KCNQ1: variants seen among roughly 807,000 people sequenced by gnomAD.
KCNQ1 encodes the protein potassium voltage-gated channel subfamily Q member 1, also known as potassium voltage-gated channel subfamily KQT member 1.
Under a neutral mutation model 72.4 loss-of-function variants are expected in KCNQ1, and 49 were observed. The ratio of observed to expected loss-of-function variants is 0.68; its 90% confidence interval spans 0.54 to 0.86. The LOEUF (loss-of-function observed/expected upper bound fraction) is 0.86. Among genes scored for constraint, KCNQ1 ranks in the 40% least tolerant of loss-of-function variants. The pLI is 0.00. For synonymous variants in KCNQ1, 450 were observed against 412.6 expected, an observed-to-expected ratio of 1.09 and a Z score of -1.10; for missense variants, 790 against 945.1, an observed-to-expected ratio of 0.84 and a Z score of 2.15.
At chr11:2,811,778 G>A (rs1416682628) in intron 15 of KCNQ1, among the ~76,000 whole-genome samples, 2 of 152,224 alleles carry the variant, frequency 1.3e-5, no homozygotes, top group African/African-American at 4.8e-5. Context: ...ACGGTGGCTG[G>A]GATGGGTGGA....
rs557004376 is a variant in KCNQ1, at chr11:2,550,093, C to T, written c.478-20535C>T. ...GTGTGGATGTATCTGTATGTCTTTG[C>T]GGAGCTCAGATGAGAGATGCTCAGA... On this transcript the variant is annotated intron_variant, in intron 2 of 15. Transcript: ENST00000155840. The surrounding 1 kb of genome is among the most constrained non-coding windows in gnomAD (Gnocchi z 6.0). 6.6e-6 allele frequency among the ~76,000 whole-genome samples: 1 copy of T among 152,260 alleles called. No homozygotes were observed. Among genetic ancestry groups the T allele is most frequent in the African/African-American group, 2.4e-5 (1 of 41,558 alleles).
chr11:2,693,442 C>T lies in KCNQ1; in HGVS notation c.1514+31361C>T, dbSNP rs992604225. On this transcript the variant is annotated intron_variant, in intron 11 of 15. Coordinates refer to ENST00000155840, the MANE Select transcript of KCNQ1 (RefSeq NM_000218.3). Reference sequence around the variant, plus strand: ...GCTTGTTTTGCCAGGCGCTGGCCCCCCATCGAGTCCCCATTCTCTAATGCT... The same window carrying T: ...GCTTGTTTTGCCAGGCGCTGGCCCCTCATCGAGTCCCCATTCTCTAATGCT... 1.5e-5 allele frequency: 6 copies of T among 398,640 alleles called. No individual in the cohort carries two copies. The Admixed American group carries it at 2.2e-4, about 15-fold the overall frequency. 24.7% of individuals were successfully genotyped at this position (398,640 alleles called of 1,614,324 possible). A position where few individuals can be genotyped will look rare whatever the true frequency, so the allele number is the denominator to read the frequency against.
intron 11 of KCNQ1, chr11:2,686,939 G>A (rs1850499833): frequency 2.5e-6 from 1 of 398,666 alleles, no homozygotes. Context: ...CCGTGATGCG[G>A]AGCATGCCCA....
In KCNQ1 at chr11:2,835,850, C is replaced by T. The variant is rs150156080; in HGVS notation, c.1795-11917C>T. Among the ~76,000 whole-genome samples, 759 of 152,250 alleles carry T rather than the reference C, an allele frequency of 5.0e-3. 5 individuals are homozygous for T. Among genetic ancestry groups the T allele is most frequent in the African/African-American group, 0.017 (715 of 41,538 alleles). ...CTCAGCCTGCAGTGTCCAGGAGCGA[C>T]GGGAAGCCTCGTGGGGCTGTTGGGA... On this transcript the variant is annotated intron_variant, in intron 15 of 15. Transcript: ENST00000155840.
In KCNQ1 at chr11:2,681,466, C is replaced by G. The variant is rs779360117; in HGVS notation, c.1514+19385C>G. The G allele has an allele frequency of 1.3e-5, 5 of 398,562 alleles. No homozygotes were observed. In the East Asian group the frequency reaches 1.4e-4, roughly 11 times the overall value. 24.7% of individuals were successfully genotyped at this position (398,562 alleles called of 1,614,324 possible). ...TGGGACCAGATAACCTTAATGGCCT[C>G]AGGCTCCCTAGATGAGAAATGGGAC... On this transcript the variant is annotated intron_variant, in intron 11 of 15. Coordinates refer to ENST00000155840, the MANE Select transcript of KCNQ1 (RefSeq NM_000218.3).
rs1846742789 is a variant in KCNQ1 at position 2,486,512 on chromosome 11, TCTA to T, written c.386+41031_386+41033del. 6.6e-6 allele frequency among the ~76,000 whole-genome samples: 1 copy of T among 152,248 alleles called. No individual in the cohort carries two copies. The highest frequency in any genetic ancestry group is 6.5e-5 in the Admixed American group (1 of 15,286). Reference sequence around the variant, plus strand: ...TTTAATGTTCACGAAGTCCAAGTTGTCTACTTTTTGTTTTGTTGCCTGTGCCTT... The same window carrying T: ...TTTAATGTTCACGAAGTCCAAGTTGTCTTTTTGTTTTGTTGCCTGTGCCTT... On this transcript the variant is annotated intron_variant, in intron 1 of 15. Transcript: ENST00000155840. The surrounding 1 kb of genome is among the most constrained non-coding windows in gnomAD (Gnocchi z 5.0).
rs1016065190 is a variant in KCNQ1 at position 2,447,298 on chromosome 11, A to C, written c.386+1814A>C. Among the ~76,000 whole-genome samples the C allele has an allele frequency of 6.6e-6, 1 of 152,126 alleles. No homozygotes were observed. Among genetic ancestry groups the C allele is most frequent in the Non-Finnish European group, 1.5e-5 (1 of 68,004 alleles). ...AGGGGTGGCTTCTGGGGACAGGGGCAGGATGGCTTCTGTGAAGGGGTGGCC... is the reference window on the plus strand; with the variant it reads ...AGGGGTGGCTTCTGGGGACAGGGGCCGGATGGCTTCTGTGAAGGGGTGGCC... On this transcript the variant is annotated intron_variant, in intron 1 of 15. Transcript: ENST00000155840. The surrounding 1 kb of genome is among the most constrained non-coding windows in gnomAD (Gnocchi z 7.6).
At position 2,493,499 on chromosome 11, in the gene KCNQ1, CT is replaced by C. The variant is rs1281951561; in HGVS notation, c.387-34426del. Among the ~76,000 whole-genome samples the C allele has an allele frequency of 2.6e-5, 4 of 152,294 alleles. No homozygotes were observed. The highest frequency in any genetic ancestry group is 9.6e-5 in the African/African-American group (4 of 41,560). On this transcript the variant is annotated intron_variant, in intron 1 of 15. Coordinates refer to ENST00000155840, the MANE Select transcript of KCNQ1 (RefSeq NM_000218.3). This position sits in a 1 kb window ranked among gnomAD's most constrained non-coding sequence, Gnocchi z 5.3. ...GTGGTTTTAGGTTTTACATTTAAGT[CT>C]TTAATCATCTTGAGTTAATTTTTAT...
rs1564791329 is a variant in KCNQ1, at chr11:2,473,984, G to A, written c.386+28500G>A. Among the ~76,000 whole-genome samples the A allele has an allele frequency of 6.6e-6, 1 of 152,264 alleles. No individual in the cohort carries two copies. Among genetic ancestry groups the A allele is most frequent in the Non-Finnish European group, 1.5e-5 (1 of 68,042 alleles). On this transcript the variant is annotated intron_variant, in intron 1 of 15. Transcript: ENST00000155840. This position sits in a 1 kb window ranked among gnomAD's most constrained non-coding sequence, Gnocchi z 6.0. ...GGGGCACTGCAGGGCCCTTGGGAGG[G>A]AGGTAAGCGGGCAGCCGGGCCAACC... is the stretch of plus-strand genomic sequence containing the variant.
At position 2,447,257 on chromosome 11, in the gene KCNQ1, G is replaced by T. The variant is rs74048607; in HGVS notation, c.386+1773G>T. On this transcript the variant is annotated intron_variant, in intron 1 of 15. Transcript: ENST00000155840. This position sits in a 1 kb window ranked among gnomAD's most constrained non-coding sequence, Gnocchi z 7.6. The stretch of plus-strand genomic sequence containing the variant: ...AAGAGTCTACCTTCGCCCAGCCTCC[G>T]CAGAGCTGGCAAGGCAGGGGTGGCT... Among the ~76,000 whole-genome samples, 1,724 of 152,250 alleles carry T rather than the reference G, an allele frequency of 0.011. 34 individuals carry two copies. Among genetic ancestry groups the T allele is most frequent in the African/African-American group, 0.04 (1,664 of 41,536 alleles).
intron 11 of KCNQ1, among the ~76,000 whole-genome samples, chr11:2,718,687 T>A (rs190802993): frequency 3.9e-5 from 6 of 152,228 alleles, no homozygotes; most frequent in Admixed American, 3.9e-4. Context: ...TAGGGCCACT[T>A]ATATCTGTCA....
chr11:2,662,853 C>G (rs1307456942), intron 11 of KCNQ1: 4 of 398,698 alleles, frequency 1.0e-5, no homozygotes, highest in Admixed American at 4.4e-5. Context: ...AACTCTCCTT[C>G]TCTCTACCAA....
At chr11:2,705,418 G>A (rs1189472458) in intron 11 of KCNQ1, among the ~76,000 whole-genome samples, 4 of 152,212 alleles carry the variant, frequency 2.6e-5, no homozygotes, top group East Asian at 1.9e-4. Flanking sequence ...ACTTCGACGC[G>A]GGTTAACTCA....
intron 11 of KCNQ1, among the ~76,000 whole-genome samples, chr11:2,761,361 G>T (rs536281640): frequency 6.6e-6 from 1 of 151,992 alleles, no homozygotes; most frequent in African/African-American, 2.4e-5. Flanking sequence ...TTCTTCTGCC[G>T]ATGTGTTCCT....
intron 11 of KCNQ1, chr11:2,684,711 GGCCTGGAGAGAACCCAGGGTAGGTCT>G: frequency 2.5e-6 from 1 of 398,668 alleles, no homozygotes; most frequent in East Asian, 3.6e-5. Context: ...CAGGCGGAGG[GGCCTGGAGAGAACCCAGGGTAGGTCT>G]GCCTGGGAGA....
chr11:2,583,269 C>G (rs749637222), intron 6 of KCNQ1, among the ~76,000 whole-genome samples, 166 bp from the exon 7 acceptor site: 1 of 152,146 alleles, frequency 6.6e-6, no homozygotes. Context: ...TGTGCCATCC[C>G]GCGGCTCTGT....
rs1848632718 is a variant in KCNQ1, at chr11:2,588,842, T to C, written c.1381T>C (p.Tyr461His). The C allele has an allele frequency of 6.2e-7, 1 of 1,612,064 alleles. No individual in the cohort carries two copies. The highest frequency in any genetic ancestry group is 8.5e-7 in the Non-Finnish European group (1 of 1,179,850). The change falls in exon 10 of 16, where the codon TAT becomes CAT. Residue 461 changes from tyrosine to histidine, a missense_variant. By Grantham distance (83) the Tyr-to-His change is moderately conservative (BLOSUM62 2). Around this residue, in one of 5 missense-constraint regions of KCNQ1, gnomAD observed 178 missense variants for 177.9 expected, o/e 1.00. Transcript: ENST00000155840. This position sits in a 1 kb window ranked among gnomAD's most constrained non-coding sequence, Gnocchi z 5.6. ...RRLDHFSVDG[Y>H]DSSVRKSPTL... ...GCTGGACCACTTCTCTGTCGACGGC[T>C]ATGACAGTTCTGGTGAGAACCCCTC... is the stretch of plus-strand genomic sequence containing the variant.
chr11:2,557,025 G>A (rs74393603), intron 2 of KCNQ1, among the ~76,000 whole-genome samples: 7,862 of 152,330 alleles, frequency 0.052, 292 homozygotes, highest in Non-Finnish European at 0.076. Context: ...AGAAGGCCGT[G>A]CCGTAGCTCT....
In KCNQ1 at chr11:2,654,889, A is replaced by G; in HGVS notation, c.1394-7072A>G. 1 of 398,624 alleles carries G rather than the reference A, an allele frequency of 2.5e-6. No individual in the cohort carries two copies. Among genetic ancestry groups the G allele is most frequent in the Non-Finnish European group, 4.4e-6 (1 of 226,092 alleles). The allele number at this position is 398,624 out of a possible 1,614,324, so 24.7% of individuals were successfully genotyped here. A position where few individuals can be genotyped will look rare whatever the true frequency, so the allele number is the denominator to read the frequency against. On this transcript the variant is annotated intron_variant, in intron 10 of 15. Transcript: ENST00000155840. This position sits in a 1 kb window ranked among gnomAD's most constrained non-coding sequence, Gnocchi z 6.4. Reference sequence around the variant, plus strand: ...AGGGACATATTCTGGCAACTCTAGGATAAGATGTGCAAGGTCGTGGGCCAG... The same window carrying G: ...AGGGACATATTCTGGCAACTCTAGGGTAAGATGTGCAAGGTCGTGGGCCAG...
Sources: allele counts gnomAD v4.1 joint callset (sites outside exome capture counted in the v4.1 genomes callset), GRCh38; gene constraint gnomAD v4.1.1; regional missense constraint gnomAD v4.1.1; non-coding constraint Gnocchi (gnomAD v3.1); transcripts MANE v1.5; gene names NCBI Gene and HGNC (gene_info 2026-07-23, HGNC 2026-07-21).